The following DLG1 variants were observed in gnomAD, a reference collection of about 807,000 sequenced individuals.
DLG1 encodes discs large MAGUK scaffold protein 1.
In DLG1, 42 loss-of-function variants were observed where a neutral mutation model predicts 123.4. The ratio of observed to expected loss-of-function variants is 0.34; its 90% CI spans 0.27 to 0.44. The LOEUF is 0.44. Among genes scored for constraint, DLG1 ranks in the 20% least tolerant of loss-of-function variants. DLG1 has a pLI of 1.00. For missense variants in DLG1, 942 were observed against 1,082.6 expected (o/e 0.87, Z 1.82); for synonymous variants, 317 against 356.2 (o/e 0.89, Z 1.24).
At chr3:197,191,494 C>A (rs115585070) in intron 5 of DLG1, among the ~76,000 whole-genome samples, 13 of 152,112 alleles carry the variant, frequency 8.5e-5, no homozygotes, top group Non-Finnish European at 1.8e-4. Context: ...TACTAAAATA[C>A]CTACCAAAAG....
At chr3:197,278,258 C>T (rs866006179) in intron 4 of DLG1, among the ~76,000 whole-genome samples, 4 of 116,852 alleles carry the variant, frequency 3.4e-5, no homozygotes, top group African/African-American at 9.8e-5. Context: ...ACTCTAGCCT[C>T]GGTGGGAGAG....
chr3:197,219,458 A>G (rs1735794783), intron 4 of DLG1, among the ~76,000 whole-genome samples: 1 of 152,224 alleles, frequency 6.6e-6, no homozygotes, highest in South Asian at 2.1e-4. Context: ...AAAATGTGAT[A>G]TATCATCAAA....
Position 197,051,583 on chromosome 3 carries a change from AATGTT to A in DLG1, c.2564_2568del (p.Glu855ValfsTer66). On this transcript the variant is annotated frameshift_variant, in exon 24 of 25. Coordinates refer to ENST00000667157, the MANE Select transcript of DLG1 (RefSeq NM_001366207.1). LOFTEE classifies it high-confidence loss of function. ...GTTACAACACGGTTCCAACCTGTGA[AATGTT>A]CAGTAAACTCCTGTTCCAGTTTCAT... 1 of 1,613,664 alleles carries A rather than the reference AATGTT, an allele frequency of 6.2e-7. No individual in the cohort carries two copies. The highest frequency in any genetic ancestry group is 8.5e-7 in the Non-Finnish European group (1 of 1,179,590).
intron 6 of DLG1, among the ~76,000 whole-genome samples, chr3:197,143,024 C>G (rs1170530985): frequency 6.6e-6 from 1 of 152,098 alleles, no homozygotes; most frequent in Non-Finnish European, 1.5e-5. Flanking sequence ...ATAGTTTCAA[C>G]CTCCGATCCT....
intron 14 of DLG1, among the ~76,000 whole-genome samples, chr3:197,100,396 G>A (rs1762827585): frequency 6.6e-6 from 1 of 152,056 alleles, no homozygotes; most frequent in African/African-American, 2.4e-5. Flanking sequence ...GCAAAATAGG[G>A]ATTATGCCAC....
intron 5 of DLG1, among the ~76,000 whole-genome samples, chr3:197,187,872 T>A (rs147916354): frequency 3.3e-5 from 5 of 152,326 alleles, no homozygotes; most frequent in African/African-American, 1.2e-4. Context: ...TTATATCCCC[T>A]ATTTCTTTCT....
At chr3:197,047,429 A>C (rs1306251406) in intron 24 of DLG1, among the ~76,000 whole-genome samples, 1 of 152,220 alleles carries the variant, frequency 6.6e-6, no homozygotes, top group Admixed American at 6.5e-5. Context: ...AAGAAAGCAC[A>C]AGGTTTAAAA....
Position 197,065,251 on chromosome 3 carries a change from A to G in DLG1, c.2373+25T>C, listed in dbSNP as rs373422297. ...AAAGGCATATCTGATTAGAAGCTAT[A>G]TTCTGGGATTAGTCTGATGCTTACC... is the stretch of plus-strand genomic sequence containing the variant. On this transcript the variant is annotated intron_variant, in intron 22 of 24. Coordinates refer to ENST00000667157, the MANE Select transcript of DLG1 (RefSeq NM_001366207.1). The G allele has an allele frequency of 5.1e-6, 8 of 1,577,160 alleles. No individual in the cohort carries two copies. The African/African-American group carries it at 5.5e-5, about 11-fold the overall frequency.
At chr3:197,125,973 T>TA (rs35146159) in intron 11 of DLG1, among the ~76,000 whole-genome samples, 19,564 of 152,078 alleles carry the variant, frequency 0.13, 1,589 homozygotes, top group Admixed American at 0.19. Context: ...CTCACTTATG[T>TA]AAAAAAAATT....
Position 197,138,405 on chromosome 3 carries a change from T to C in DLG1, c.714-14A>G, listed in dbSNP as rs1374467056. On this transcript the variant is annotated splice_polypyrimidine_tract_variant and intron_variant, in intron 8 of 24. Coordinates refer to ENST00000667157, the MANE Select transcript of DLG1 (RefSeq NM_001366207.1). ...CAGTCATTGACCCTGAGAAAACAATTAAATATTAAAAATAAAAATTAAATA... is the reference window on the plus strand; with the variant it reads ...CAGTCATTGACCCTGAGAAAACAATCAAATATTAAAAATAAAAATTAAATA... The C allele has an allele frequency of 2.3e-6, 3 of 1,288,508 alleles. No homozygotes were observed. Among genetic ancestry groups the C allele is most frequent in the Non-Finnish European group, 3.0e-6 (3 of 992,208 alleles). The allele number at this position is 1,288,508 out of a possible 1,614,324, so 79.8% of individuals were successfully genotyped here. A position where few individuals can be genotyped will look rare whatever the true frequency, so the allele number is the denominator to read the frequency against.
chr3:197,084,121 G>A (rs1451521415), intron 16 of DLG1, among the ~76,000 whole-genome samples: 6 of 151,988 alleles, frequency 3.9e-5, no homozygotes, highest in Non-Finnish European at 8.8e-5. Context: ...CAAACATTTT[G>A]GCATGAAGGA....
chr3:197,151,657 A>G (rs372939549), intron 5 of DLG1, among the ~76,000 whole-genome samples: 18 of 152,314 alleles, frequency 1.2e-4, no homozygotes, highest in African/African-American at 3.6e-4. Context: ...TAAAAAGTAA[A>G]CCAAAAAATC....
intron 4 of DLG1, among the ~76,000 whole-genome samples, chr3:197,245,933 CA>C (rs1373297585): frequency 6.8e-6 from 1 of 147,754 alleles, no homozygotes; most frequent in African/African-American, 2.5e-5. Flanking sequence ...GAAGGTTATC[CA>C]GTACCTGGGT....
intron 16 of DLG1, among the ~76,000 whole-genome samples, chr3:197,081,925 A>G (rs1389752706): frequency 6.6e-6 from 1 of 152,238 alleles, no homozygotes; most frequent in Non-Finnish European, 1.5e-5. Context: ...TTAAGCTTTC[A>G]TAAATTCTCC....
chr3:197,051,839 T>TA (rs1196778033), intron 23 of DLG1, among the ~76,000 whole-genome samples, 171 bp from the exon 24 acceptor site: 1 of 135,040 alleles, frequency 7.4e-6, no homozygotes, highest in Non-Finnish European at 1.6e-5. Flanking sequence ...GGGAATTTTT[T>TA]TTTTTTTTTT....
At chr3:197,217,589 A>AT (rs1382223823) in intron 4 of DLG1, among the ~76,000 whole-genome samples, 1 of 152,228 alleles carries the variant, frequency 6.6e-6, no homozygotes, top group African/African-American at 2.4e-5. Context: ...ATACAATGGA[A>AT]TAATACTCAA....
intron 5 of DLG1, among the ~76,000 whole-genome samples, chr3:197,154,335 C>A (rs1247200272): frequency 6.6e-6 from 1 of 150,962 alleles, no homozygotes; most frequent in African/African-American, 2.4e-5. Flanking sequence ...ACCAAAAAAA[C>A]CCACAAAAAC....
intron 4 of DLG1, among the ~76,000 whole-genome samples, chr3:197,258,615 A>T (rs1254594742): frequency 1.3e-5 from 2 of 152,184 alleles, no homozygotes; most frequent in African/African-American, 4.8e-5. Flanking sequence ...TTTAGTATTA[A>T]CATGATAAAA....
chr3:197,157,272 A>G (rs1162782845), intron 5 of DLG1, among the ~76,000 whole-genome samples: 1 of 152,210 alleles, frequency 6.6e-6, no homozygotes, highest in African/African-American at 2.4e-5. Context: ...CTTATATGTA[A>G]AACACCCTAA....
Sources: allele counts gnomAD v4.1 joint callset (sites outside exome capture counted in the v4.1 genomes callset), GRCh38; gene constraint gnomAD v4.1.1; transcripts MANE v1.5; gene names NCBI Gene and HGNC (gene_info 2026-07-23, HGNC 2026-07-21).